The following BMP8A variants were observed in gnomAD, a reference collection of about 807,000 sequenced individuals.
BMP8A encodes the protein bone morphogenetic protein 8a.
A neutral mutation model predicts 36.8 loss-of-function variants in BMP8A; 14 were observed. The ratio of observed to expected loss-of-function variants is 0.38; its 90% CI spans 0.25 to 0.60. The LOEUF (loss-of-function observed/expected upper bound fraction) is 0.60, where lower values mean the gene tolerates loss of function less well. BMP8A is among the 20% of genes least tolerant of loss of function. The pLI is 0.63. For synonymous variants in BMP8A, 120 were observed against 237.7 expected, an observed-to-expected ratio of 0.50 and a Z score of 4.55; for missense variants, 267 against 551.1, an observed-to-expected ratio of 0.48 and a Z score of 5.16.
At chr1:39,523,779 A>G (rs1645454757) in intron 6 of BMP8A, 7 of 1,121,868 alleles carry the variant, frequency 6.2e-6, no homozygotes, top group Non-Finnish European at 8.0e-6. Flanking sequence ...GGATTCTGGC[A>G]CCGAGGCTTC....
At position 39,522,879 on chromosome 1, in the gene BMP8A, G is replaced by A. The variant is rs138132615; in HGVS notation, c.949-128G>A. The A allele has an allele frequency of 1.2e-3, 1,122 of 975,252 alleles. 6 individuals are homozygous for A. In the African/African-American group the frequency reaches 0.016, roughly 14 times the overall value. 60.4% of individuals were successfully genotyped at this position (975,252 alleles called of 1,614,324 possible). ...CCTGAGCTCCTGCCCAGCCTTTTCC[G>A]CCGGGGGTTCCTGGGTGGATTCAAG... On this transcript the variant is annotated intron_variant, in intron 5 of 6. Transcript: ENST00000331593.
intron 4 of BMP8A, 195 bp from the exon 5 acceptor site, chr1:39,522,208 G>A (rs1281032187): frequency 7.1e-6 from 4 of 567,020 alleles, no homozygotes; most frequent in Non-Finnish European, 9.3e-6. Context: ...CTAGCCATTG[G>A]GAGCCATGGC....
chr1:39,495,069 G>A (rs1645193737), intron 1 of BMP8A, among the ~76,000 whole-genome samples: 2 of 152,180 alleles, frequency 1.3e-5, no homozygotes, highest in African/African-American at 2.4e-5. Context: ...CTCAGTGTTT[G>A]GAGGCCCCTG....
rs548807488 is a variant in BMP8A, at chr1:39,498,857, C to T, written c.334+6532C>T. Among the ~76,000 whole-genome samples, 328 of 152,172 alleles carry T rather than the reference C, an allele frequency of 2.2e-3. 4 individuals carry two copies. The highest frequency in any genetic ancestry group is 0.019 in the Admixed American group (296 of 15,288). ...GGGAGAGGAGGCAGGTCCACAGCAA[C>T]GGGAATGTCGGTGGCTTCTGATGGA... On this transcript the variant is annotated intron_variant, in intron 1 of 6. Transcript: ENST00000331593.
chr1:39,516,592 GCCT>G (rs754866008), intron 3 of BMP8A: 481 of 643,916 alleles, frequency 7.5e-4, no homozygotes, highest in Non-Finnish European at 1.1e-3. Flanking sequence ...TTTGCTACTG[GCCT>G]CCTACTTTCC....
intron 1 of BMP8A, among the ~76,000 whole-genome samples, chr1:39,496,829 T>C (rs1280630880): frequency 6.6e-6 from 1 of 152,228 alleles, no homozygotes; most frequent in African/African-American, 2.4e-5. Context: ...TATTGTAAGC[T>C]GAGAAGCCTG....
chr1:39,510,636 C>T (rs568975543), intron 1 of BMP8A, among the ~76,000 whole-genome samples: 14 of 152,070 alleles, frequency 9.2e-5, no homozygotes, highest in Admixed American at 5.9e-4. Context: ...CATGCCTCAG[C>T]CCAGCTCAGC....
intron 1 of BMP8A, among the ~76,000 whole-genome samples, chr1:39,503,247 A>G (rs190476163): frequency 6.6e-6 from 1 of 152,314 alleles, no homozygotes; most frequent in East Asian, 1.9e-4. Context: ...ACATGACTGT[A>G]GTCCCAGCTA....
Position 39,515,687 on chromosome 1 carries a change from G to C in BMP8A, c.673+3783G>C, listed in dbSNP as rs1438700286. 1.4e-5 allele frequency: 22 copies of C among 1,575,844 alleles called. 1 individual carries two copies. Among genetic ancestry groups the C allele is most frequent in the Non-Finnish European group, 1.9e-5 (22 of 1,150,196 alleles). ...AAGCTGCAGACGTCACGGCGGTGGAGGTGGGGGCTTCCCCCCAGAAGACAT... is the reference window on the plus strand; with the variant it reads ...AAGCTGCAGACGTCACGGCGGTGGACGTGGGGGCTTCCCCCCAGAAGACAT... On this transcript the variant is annotated intron_variant, in intron 3 of 6. Transcript: ENST00000331593.
chr1:39,492,060 C>T lies in BMP8A; in HGVS notation c.69C>T (p.Pro23=), dbSNP rs1372386740. ...LTLCALGGGG[P]GLRPPPGCPQ... is the part of the protein sequence containing the mutation. ...TGTGCGCGCTGGGCGGGGGCGGCCC[C>T]GGCCTGCGACCCCCGCCCGGCTGTC... The change falls in exon 1 of 7, where the codon CCC becomes CCT. Residue 23 remains proline (P), a synonymous_variant. Transcript: ENST00000331593. The T allele has an allele frequency of 9.0e-7, 1 of 1,108,002 alleles. No individual in the cohort carries two copies. Among genetic ancestry groups the T allele is most frequent in the Non-Finnish European group, 1.1e-6 (1 of 910,936 alleles). 68.6% of individuals were successfully genotyped at this position (1,108,002 alleles called of 1,614,324 possible).
chr1:39,492,829 C>CA (rs1007643135), intron 1 of BMP8A, among the ~76,000 whole-genome samples: 9 of 152,122 alleles, frequency 5.9e-5, no homozygotes, highest in African/African-American at 2.2e-4. Context: ...GTGCGGCTGT[C>CA]AGGGGAGCGG....
intron 1 of BMP8A, among the ~76,000 whole-genome samples, chr1:39,502,235 CAAAAAAAAA>C (rs144694221): frequency 1.6e-3 from 203 of 123,122 alleles, no homozygotes; most frequent in Non-Finnish European, 2.4e-3. Context: ...GAGACTGTCT[CAAAAAAAAA>C]AAAAAAAGAA....
intron 3 of BMP8A, among the ~76,000 whole-genome samples, chr1:39,514,334 A>G: frequency 8.6e-6 from 1 of 116,002 alleles, no homozygotes; most frequent in Non-Finnish European, 1.8e-5. Flanking sequence ...GGGGAGGTGG[A>G]GAGGGCGGGG....
Position 39,519,030 on chromosome 1 carries a change from C to G in BMP8A, c.674-2346C>G, listed in dbSNP as rs979644039. ...CCCAGCACCCAAGCCAGGCCTGGCT[C>G]AGAGGGGCTCTGTGAGGGTCTGTGG... is the stretch of plus-strand genomic sequence containing the variant. On this transcript the variant is annotated intron_variant, in intron 3 of 6. Transcript: ENST00000331593. Among the ~76,000 whole-genome samples the G allele has an allele frequency of 1.2e-4, 12 of 97,202 alleles. 1 individual carries two copies. Among genetic ancestry groups the G allele is most frequent in the African/African-American group, 5.4e-4 (12 of 22,100 alleles). The allele number at this position is 97,202 out of a possible 152,430, so 63.8% of individuals were successfully genotyped here.
At chr1:39,508,694 C>G (rs903124178) in intron 1 of BMP8A, among the ~76,000 whole-genome samples, 15 of 152,226 alleles carry the variant, frequency 9.9e-5, no homozygotes, top group Non-Finnish European at 1.5e-4. Context: ...TATCCAAAGG[C>G]ACAACCACTG....
In BMP8A at chr1:39,523,010, T is replaced by A. The variant is rs1645443892; in HGVS notation, c.952T>A (p.Trp318Arg). ...CACCTTCTCCCTTGCCCCCCAGGAC[T>A]GGGTCATCGCCCCCCAAGGCTACTC... ...VSFQDLGWLDWVIAPQGYSAY... is the reference protein window; with the variant it reads ...VSFQDLGWLDRVIAPQGYSAY... The change falls in exon 6 of 7, where the codon TGG becomes AGG. Residue 318 changes from tryptophan to arginine, a missense_variant. Physicochemically the swap from Trp to Arg is moderately radical, Grantham distance 101 (BLOSUM62 -3). Transcript: ENST00000331593. 6.2e-7 allele frequency: 1 copy of A among 1,608,394 alleles called. No individual in the cohort carries two copies. Among genetic ancestry groups the A allele is most frequent in the South Asian group, 1.1e-5 (1 of 90,240 alleles).
At chr1:39,509,882 G>A (rs987100068) in intron 1 of BMP8A, among the ~76,000 whole-genome samples, 3 of 152,252 alleles carry the variant, frequency 2.0e-5, no homozygotes, top group African/African-American at 7.2e-5. Context: ...GTTTGAAAGG[G>A]ACGGGAGGCT....
At chr1:39,501,155 C>G (rs541157495) in intron 1 of BMP8A, among the ~76,000 whole-genome samples, 6 of 152,288 alleles carry the variant, frequency 3.9e-5, no homozygotes, top group Non-Finnish European at 5.9e-5. Flanking sequence ...GGGAACTAAT[C>G]CATTCCCCTG....
At chr1:39,507,618 T>C (rs1251531656) in intron 1 of BMP8A, among the ~76,000 whole-genome samples, 1 of 152,142 alleles carries the variant, frequency 6.6e-6, no homozygotes, top group Non-Finnish European at 1.5e-5. Flanking sequence ...TGGGGGACCG[T>C]CCCAGTGGCA....
Sources: allele counts gnomAD v4.1 joint callset (sites outside exome capture counted in the v4.1 genomes callset), GRCh38; gene constraint gnomAD v4.1.1; transcripts MANE v1.5; gene names NCBI Gene and HGNC (gene_info 2026-07-23, HGNC 2026-07-21).